Variants in CNTN3 observed in about 807,000 individuals in gnomAD.
The protein encoded by CNTN3 is contactin 3.
CNTN3 carries 60 observed loss-of-function variants against 119.1 expected under a neutral mutation model. That is an observed-to-expected ratio of 0.50 (90% CI 0.41 to 0.62). The LOEUF is 0.62. CNTN3 is among the 20% of genes least tolerant of loss of function. CNTN3 has a pLI of 0.00. For synonymous variants in CNTN3, 450 were observed against 438.7 expected, an observed-to-expected ratio of 1.03 and a Z score of -0.32; for missense variants, 1,101 against 1,242.4, an observed-to-expected ratio of 0.89 and a Z score of 1.71.
chr3:74,315,320 G>C (rs1167891093), intron 13 of CNTN3, among the ~76,000 whole-genome samples: 1 of 152,116 alleles, frequency 6.6e-6, no homozygotes, highest in African/African-American at 2.4e-5. Context: ...AGATCTCGAG[G>C]CTGCTCTGCC....
At chr3:74,432,402 A>T (rs1014678433) in intron 4 of CNTN3, among the ~76,000 whole-genome samples, 1 of 151,208 alleles carries the variant, frequency 6.6e-6, no homozygotes, top group Non-Finnish European at 1.5e-5. Context: ...AAAAAAAAAA[A>T]TCACAAAAAA....
rs1702114080 is a variant in CNTN3 at position 74,286,223 on chromosome 3, G to C, written c.2518-732C>G. Among the ~76,000 whole-genome samples the C allele has an allele frequency of 2.0e-5, 3 of 152,104 alleles. No homozygotes were observed. The South Asian group carries it at 6.2e-4, about 31-fold the overall frequency. On this transcript the variant is annotated intron_variant, in intron 19 of 22. Coordinates refer to ENST00000263665, the MANE Select transcript of CNTN3 (RefSeq NM_020872.3). ...GTAGCATCTACAGAAGATAAGCAGA[G>C]AGACAAGTATTACAAAGCATACGAG...
At chr3:74,336,390 C>T in intron 12 of CNTN3, 141 bp downstream of exon 12, 2 of 855,750 alleles carry the variant, frequency 2.3e-6, no homozygotes. Context: ...TGACTTTCAC[C>T]TGTTAAAAAT....
intron 4 of CNTN3, among the ~76,000 whole-genome samples, chr3:74,433,766 G>A (rs932100953): frequency 6.6e-6 from 1 of 152,132 alleles, no homozygotes; most frequent in Admixed American, 6.6e-5. Context: ...CTCCTCCACT[G>A]ACACAGAAGA....
intron 9 of CNTN3, among the ~76,000 whole-genome samples, chr3:74,365,080 T>A (rs1003841070): frequency 1.3e-5 from 2 of 152,054 alleles, no homozygotes; most frequent in African/African-American, 4.8e-5. Context: ...AGGTTAGGTA[T>A]GGAAACTGAA....
intron 5 of CNTN3, among the ~76,000 whole-genome samples, chr3:74,410,263 G>A (rs891646380): frequency 1.6e-4 from 24 of 152,070 alleles, no homozygotes; most frequent in Admixed American, 6.6e-5. Flanking sequence ...GTGAATCTGA[G>A]ACTCAGAACC....
intron 2 of CNTN3, among the ~76,000 whole-genome samples, chr3:74,500,939 G>A (rs77510786): frequency 0.015 from 2,339 of 152,120 alleles, 40 homozygotes; most frequent in East Asian, 0.058. Flanking sequence ...TAGGCGGCAT[G>A]AGCAAGTTCA....
chr3:74,513,891 T>G (rs1448125255), intron 2 of CNTN3, among the ~76,000 whole-genome samples: 1 of 151,750 alleles, frequency 6.6e-6, no homozygotes, highest in Non-Finnish European at 1.5e-5. Flanking sequence ...CTTGCTTACT[T>G]CCTTAGTTGC....
intron 3 of CNTN3, among the ~76,000 whole-genome samples, chr3:74,486,910 T>C (rs1028339050): frequency 1.3e-5 from 2 of 152,112 alleles, no homozygotes; most frequent in African/African-American, 4.8e-5. Context: ...TGGGGAAAAA[T>C]TAGGCTAGGT....
At chr3:74,592,496 T>TAC (rs78156986) in intron 1 of CNTN3, among the ~76,000 whole-genome samples, 29,409 of 151,078 alleles carry the variant, frequency 0.19, 5,321 homozygotes, top group African/African-American at 0.48. Flanking sequence ...CACACACACA[T>TAC]ACACACAGTA....
intron 19 of CNTN3, among the ~76,000 whole-genome samples, chr3:74,293,129 T>A (rs534638178): frequency 2.0e-4 from 31 of 152,294 alleles, no homozygotes; most frequent in African/African-American, 7.0e-4. Context: ...TACAGATAGT[T>A]ACTAAAAATA....
At chr3:74,305,082 G>C (rs72892527) in intron 13 of CNTN3, among the ~76,000 whole-genome samples, 8,950 of 152,274 alleles carry the variant, frequency 0.059, 824 homozygotes, top group African/African-American at 0.19. Context: ...GGACACAGAA[G>C]TGTTTAACAC....
intron 5 of CNTN3, among the ~76,000 whole-genome samples, chr3:74,404,280 G>C (rs1705267943): frequency 6.6e-6 from 1 of 152,052 alleles, no homozygotes; most frequent in Non-Finnish European, 1.5e-5. Context: ...TGGTTGAAAG[G>C]GGAACTTACA....
intron 13 of CNTN3, among the ~76,000 whole-genome samples, chr3:74,308,724 A>G (rs1449368262): frequency 6.6e-6 from 1 of 152,028 alleles, no homozygotes; most frequent in East Asian, 1.9e-4. Context: ...AGTGTTTTCT[A>G]CACTTAAATC....
intron 1 of CNTN3, among the ~76,000 whole-genome samples, chr3:74,602,011 CA>C (rs1021777826): frequency 3.9e-5 from 6 of 151,902 alleles, no homozygotes; most frequent in African/African-American, 1.4e-4. Context: ...CCAGCTGACC[CA>C]TAAAAATATG....
At chr3:74,458,311 T>C (rs1034300532) in intron 4 of CNTN3, among the ~76,000 whole-genome samples, 2 of 151,992 alleles carry the variant, frequency 1.3e-5, no homozygotes, top group Admixed American at 6.6e-5. Context: ...GTTTCAGGAG[T>C]TGGCAAACTA....
At chr3:74,341,894 C>T (rs147715934) in intron 11 of CNTN3, among the ~76,000 whole-genome samples, 21 of 152,166 alleles carry the variant, frequency 1.4e-4, no homozygotes, top group Middle Eastern at 3.4e-3. Flanking sequence ...CTGATCATTA[C>T]GGTAATTTAT....
rs556771608 is a variant in CNTN3, at chr3:74,274,351, C to T, written c.2705-6973G>A. Among the ~76,000 whole-genome samples the T allele has an allele frequency of 2.6e-5, 4 of 152,210 alleles. No homozygotes were observed. In the South Asian group the frequency reaches 8.3e-4, roughly 32 times the overall value. On this transcript the variant is annotated intron_variant, in intron 20 of 22. Transcript: ENST00000263665. ...CCTCCCAGCAGGAGGCCAACCAGCA[C>T]AAAAATAGAGCATTAAACCACTAAA...
intron 5 of CNTN3, among the ~76,000 whole-genome samples, chr3:74,420,980 G>T (rs1048038145): frequency 6.6e-6 from 1 of 152,096 alleles, no homozygotes; most frequent in Non-Finnish European, 1.5e-5. Context: ...CTGGTTAAGA[G>T]CCCACGCTCT....
Sources: gnomAD v4.1 joint callset for allele counts (sites outside exome capture counted in the v4.1 genomes callset) on GRCh38, gnomAD v4.1.1 for gene constraint, MANE v1.5 for transcripts, NCBI Gene and HGNC (gene_info 2026-07-23, HGNC 2026-07-21) for gene names.